NETO1: variants seen among roughly 807,000 people sequenced by gnomAD.
NETO1 encodes the protein neuropilin and tolloid-like protein 1.
A neutral mutation model predicts 61.3 loss-of-function variants in NETO1; 26 were observed. The observed-to-expected ratio is 0.42, with a 90% CI of 0.31 to 0.59. NETO1 has a LOEUF of 0.59. Among genes scored for constraint, NETO1 ranks in the 20% least tolerant of loss-of-function variants. The pLI, the probability that NETO1 is intolerant of heterozygous loss-of-function variation, is 0.12. For missense variants in NETO1, 531 were observed against 662.8 expected, an observed-to-expected ratio of 0.80 and a Z score of 2.18; for synonymous variants, 225 against 225.8, an observed-to-expected ratio of 1.00 and a Z score of 0.03.
At position 72,865,721 on chromosome 18, in the gene NETO1, G is replaced by C; in HGVS notation, c.29-480C>G. 6.6e-6 allele frequency: 10 copies of C among 1,518,390 alleles called. No individual in the cohort carries two copies. In the South Asian group the frequency reaches 1.1e-4, roughly 17 times the overall value. 94.1% of individuals were successfully genotyped at this position (1,518,390 alleles called of 1,614,324 possible). ...CTGTATTTTAGAAAATAAATACTTAGACAAATCCTACAGACTGTGGAGGAG... is the reference window on the plus strand; with the variant it reads ...CTGTATTTTAGAAAATAAATACTTACACAAATCCTACAGACTGTGGAGGAG... On this transcript the variant is annotated intron_variant, in intron 1 of 10. Transcript: ENST00000327305.
chr18:72,766,220 A>ATGTGTGTG lies in NETO1; in HGVS notation c.869-10081_869-10074dup, dbSNP rs34670401. Among the ~76,000 whole-genome samples the ATGTGTGTG allele has an allele frequency of 2.3e-4, 33 of 144,760 alleles. No homozygotes were observed. In the East Asian group the frequency reaches 5.1e-3, roughly 22 times the overall value. The allele number at this position is 144,760 out of a possible 152,430, so 95.0% of individuals were successfully genotyped here. On this transcript the variant is annotated intron_variant, in intron 7 of 10. Transcript: ENST00000327305. Reference sequence around the variant, plus strand: ...GACTCAGTCTCAGAAAAAAAAAAATATGTGTGTGTGTGTGTGTGTGTGTGT... The same window carrying ATGTGTGTG: ...GACTCAGTCTCAGAAAAAAAAAAATATGTGTGTGTGTGTGTGTGTGTGTGTGTGTGTGT...
At chr18:72,789,342 C>T (rs1382175235) in intron 6 of NETO1, among the ~76,000 whole-genome samples, 1 of 151,888 alleles carries the variant, frequency 6.6e-6, no homozygotes, top group Non-Finnish European at 1.5e-5. Flanking sequence ...ACCTGAGTAG[C>T]TGTTGAAAAT....
chr18:72,844,164 A>T (rs2074016209), intron 4 of NETO1, among the ~76,000 whole-genome samples: 1 of 152,234 alleles, frequency 6.6e-6, no homozygotes, highest in South Asian at 2.1e-4. Flanking sequence ...AATTACTAAG[A>T]ACAGCAGCCA....
chr18:72,805,610 C>T (rs1002719224), intron 4 of NETO1, among the ~76,000 whole-genome samples: 1 of 152,102 alleles, frequency 6.6e-6, no homozygotes, highest in Non-Finnish European at 1.5e-5. Flanking sequence ...AAGTAACTAG[C>T]CTAAGAATAC....
At chr18:72,767,940 C>T (rs974464532) in intron 7 of NETO1, among the ~76,000 whole-genome samples, 3 of 152,192 alleles carry the variant, frequency 2.0e-5, no homozygotes, top group Non-Finnish European at 2.9e-5. Flanking sequence ...CCATTTGCTA[C>T]GTTCCAGACA....
At chr18:72,799,689 T>C (rs768358393) in intron 4 of NETO1, among the ~76,000 whole-genome samples, 15 of 152,268 alleles carry the variant, frequency 9.9e-5, no homozygotes, top group Non-Finnish European at 1.6e-4. Context: ...TTAACTCACA[T>C]CTGCTTGCGC....
chr18:72,772,730 T>A (rs1250901929), intron 7 of NETO1, among the ~76,000 whole-genome samples: 1 of 142,172 alleles, frequency 7.0e-6, no homozygotes, highest in African/African-American at 2.6e-5. Context: ...GTGTGTATCA[T>A]GTACACACAC....
intron 8 of NETO1, among the ~76,000 whole-genome samples, chr18:72,754,306 T>C (rs1428008066): frequency 6.6e-6 from 1 of 151,960 alleles, no homozygotes; most frequent in East Asian, 1.9e-4. Flanking sequence ...AAACAAAAAG[T>C]ATAATGGAAT....
At chr18:72,851,409 C>CAAAAA (rs1393321268) in intron 4 of NETO1, among the ~76,000 whole-genome samples, 1 of 132,006 alleles carries the variant, frequency 7.6e-6, no homozygotes, top group African/African-American at 3.8e-5. Flanking sequence ...GAAACTCCCT[C>CAAAAA]AAAACAAAAA....
chr18:72,743,220 C>T (rs1599066938), downstream of NETO1, among the ~76,000 whole-genome samples: 1 of 152,252 alleles, frequency 6.6e-6, no homozygotes, highest in Admixed American at 6.5e-5. Flanking sequence ...TAGTATGTCT[C>T]CTGTCTATGT....
chr18:72,820,984 TAGAC>T (rs1297113762), intron 4 of NETO1, among the ~76,000 whole-genome samples: 6 of 151,704 alleles, frequency 4.0e-5, no homozygotes, highest in Admixed American at 6.6e-5. Context: ...AGGTGATAGA[TAGAC>T]AGACAAATAG....
rs148118728 is a variant in NETO1 at position 72,830,857 on chromosome 18, C to G, written c.469+27969G>C. On this transcript the variant is annotated intron_variant, in intron 4 of 10. Coordinates refer to ENST00000327305, the MANE Select transcript of NETO1 (RefSeq NM_138966.5). This position sits in a 1 kb window ranked among gnomAD's most constrained non-coding sequence, Gnocchi z 4.9. ...TACACTTATGGGTTCCAGTTGTTCA[C>G]TTTTTATCCCCTATTTTCTTCTCTG... is the stretch of plus-strand genomic sequence containing the variant. 5.0e-4 allele frequency among the ~76,000 whole-genome samples: 76 copies of G among 152,244 alleles called. No individual in the cohort carries two copies. The East Asian group carries it at 0.012, about 25-fold the overall frequency.
At chr18:72,841,866 C>T (rs1258747825) in intron 4 of NETO1, among the ~76,000 whole-genome samples, 1 of 151,840 alleles carries the variant, frequency 6.6e-6, no homozygotes, top group Non-Finnish European at 1.5e-5. Context: ...TACTGTGTCA[C>T]ATGCTCTGCC....
intron 8 of NETO1, among the ~76,000 whole-genome samples, chr18:72,755,618 G>A (rs2070757740): frequency 1.3e-5 from 2 of 152,166 alleles, no homozygotes; most frequent in Middle Eastern, 3.4e-3. Flanking sequence ...GTAACTGAAA[G>A]TACAAATGCT....
intron 4 of NETO1, among the ~76,000 whole-genome samples, chr18:72,845,092 T>C (rs1942465): frequency 0.99 from 151,227 of 152,350 alleles, 75,065 homozygotes; most frequent in Middle Eastern, 1. Context: ...CTCAACATTT[T>C]GTATACAGTA....
intron 4 of NETO1, among the ~76,000 whole-genome samples, chr18:72,801,734 C>T (rs1197300099): frequency 6.6e-6 from 1 of 152,144 alleles, no homozygotes; most frequent in African/African-American, 2.4e-5. Flanking sequence ...AATCTATTTA[C>T]TTATCTATCT....
chr18:72,768,480 G>A (rs1260936154), intron 7 of NETO1, among the ~76,000 whole-genome samples: 1 of 152,054 alleles, frequency 6.6e-6, no homozygotes, highest in African/African-American at 2.4e-5. Flanking sequence ...ATTCTACTGT[G>A]GTCAAATAAA....
chr18:72,845,660 T>A (rs1236741893), intron 4 of NETO1, among the ~76,000 whole-genome samples: 1 of 152,216 alleles, frequency 6.6e-6, no homozygotes, highest in Non-Finnish European at 1.5e-5. Context: ...TGGCCTCAAA[T>A]GATTAGTAAT....
chr18:72,825,998 T>C (rs1391151453), intron 4 of NETO1, among the ~76,000 whole-genome samples: 1 of 152,122 alleles, frequency 6.6e-6, no homozygotes, highest in African/African-American at 2.4e-5. Context: ...GAGTGCAGAG[T>C]TGTAAACACA....
Sources: gnomAD v4.1 joint callset for allele counts (sites outside exome capture counted in the v4.1 genomes callset) on GRCh38, gnomAD v4.1.1 for gene constraint, Gnocchi (gnomAD v3.1) non-coding constraint, MANE v1.5 for transcripts, NCBI Gene and HGNC (gene_info 2026-07-23, HGNC 2026-07-21) for gene names.